Variants in DCLK3 observed in about 807,000 individuals in gnomAD.
DCLK3 encodes doublecortin like kinase 3.
Under a neutral mutation model 46.4 loss-of-function variants are expected in DCLK3, and 30 were observed. The observed-to-expected ratio is 0.65, with a 90% CI of 0.48 to 0.88. DCLK3 has a LOEUF of 0.88. DCLK3 is among the 40% of genes least tolerant of loss of function. The pLI is 0.00. For missense variants in DCLK3, 846 were observed against 907.1 expected (o/e 0.93, Z 0.87); for synonymous variants, 401 against 339.2 (o/e 1.18, Z -2.00).
rs1430597752 is a variant in DCLK3, at chr3:36,737,768, C to G, written c.1399G>C (p.Glu467Gln). 5 of 1,614,064 alleles carry G rather than the reference C, an allele frequency of 3.1e-6. No homozygotes were observed. In the African/African-American group the frequency reaches 6.7e-5, roughly 22 times the overall value. Reference sequence around the variant, plus strand: ...GACATACATGGCTTTTTCTCCTTCTCTGCCTCCTTCTCTTCTCCTCGGGTC... The same window carrying G: ...GACATACATGGCTTTTTCTCCTTCTGTGCCTCCTTCTCTTCTCCTCGGGTC... ...RRTRGEEKEA[E>Q]KEKKPCMSGG... Residue 467 changes from glutamate (E) to glutamine (Q), a missense_variant, in exon 2 of 5, where the codon GAG becomes CAG. Glu to Gln is a conservative substitution (Grantham distance 29, BLOSUM62 2). This residue lies in a region of DCLK3 where 553 missense variants were observed against 543.0 expected (regional missense o/e 1.02). Coordinates refer to ENST00000636136, the MANE Select transcript of DCLK3 (RefSeq NM_001394672.2). This position sits in a 1 kb window ranked among gnomAD's most constrained non-coding sequence, Gnocchi z 4.4.
chr3:36,727,116 C>G (rs1008215613), intron 2 of DCLK3, among the ~76,000 whole-genome samples: 6 of 152,126 alleles, frequency 3.9e-5, no homozygotes, highest in East Asian at 3.9e-4. Flanking sequence ...AACCCCATCT[C>G]TACTAAAAAT....
At chr3:36,729,187 C>T (rs557224759) in intron 2 of DCLK3, among the ~76,000 whole-genome samples, 17 of 151,998 alleles carry the variant, frequency 1.1e-4, no homozygotes, top group African/African-American at 4.1e-4. Flanking sequence ...CATCAAATGA[C>T]CCACTTCAGT....
At chr3:36,718,971 C>T (rs1701023703) in intron 3 of DCLK3, among the ~76,000 whole-genome samples, 1 of 152,032 alleles carries the variant, frequency 6.6e-6, no homozygotes, top group African/African-American at 2.4e-5. Context: ...ATGACATTTC[C>T]AACATAAGAA....
At chr3:36,752,757 C>A (rs1701453038) in intron 1 of DCLK3, among the ~76,000 whole-genome samples, 1 of 152,168 alleles carries the variant, frequency 6.6e-6, no homozygotes, top group Admixed American at 6.5e-5. Flanking sequence ...GCACATATCA[C>A]CATTGATATG....
Position 36,715,333 on chromosome 3 carries a change from A to AT in DCLK3, c.2448dup (p.Ser817IlefsTer22). ...ACAGATTCCCAAGGTGGTGACTATG[A>AT]TACCTGCTCCACAACCCTCTTGTGC... On this transcript the variant is annotated frameshift_variant, in exon 5 of 5. Coordinates refer to ENST00000636136, the MANE Select transcript of DCLK3 (RefSeq NM_001394672.2). LOFTEE classifies it high-confidence loss of function. The AT allele has an allele frequency of 1.2e-6, 2 of 1,614,110 alleles. No individual in the cohort carries two copies.
At position 36,713,670 on chromosome 3, in the gene DCLK3, T is replaced by C. The variant is rs1700939815; in HGVS notation, c.*1658A>G. 6.6e-6 allele frequency: 1 copy of C among 152,070 alleles called. No individual in the cohort carries two copies. The highest frequency in any genetic ancestry group is 6.5e-5 in the Admixed American group (1 of 15,286). 9.4% of individuals were successfully genotyped at this position (152,070 alleles called of 1,614,324 possible). On this transcript the variant is annotated 3_prime_UTR_variant, in exon 5 of 5. Coordinates refer to ENST00000636136, the MANE Select transcript of DCLK3 (RefSeq NM_001394672.2). Reference sequence around the variant, plus strand: ...AATCCAGATTAGCATCCAAAAGGCTTATTAGGGAGTGGTCTCAGGATCATT... The same window carrying C: ...AATCCAGATTAGCATCCAAAAGGCTCATTAGGGAGTGGTCTCAGGATCATT...
chr3:36,762,772 A>G (rs993024547), intron 1 of DCLK3, among the ~76,000 whole-genome samples: 3 of 152,230 alleles, frequency 2.0e-5, no homozygotes, highest in East Asian at 1.9e-4. Flanking sequence ...AAAGCTCACC[A>G]TAAAAGAACA....
At chr3:36,762,915 G>A (rs945298886) in intron 1 of DCLK3, among the ~76,000 whole-genome samples, 3 of 152,010 alleles carry the variant, frequency 2.0e-5, no homozygotes, top group African/African-American at 7.3e-5. Flanking sequence ...CTAAAGTTGG[G>A]CTGTGAGGCA....
In DCLK3 at chr3:36,738,145, T is replaced by C; in HGVS notation, c.1022A>G (p.Tyr341Cys). The C allele has an allele frequency of 3.1e-6, 5 of 1,614,056 alleles. No homozygotes were observed. The highest frequency in any genetic ancestry group is 1.1e-5 in the South Asian group (1 of 91,038). The change falls in exon 2 of 5, where the codon TAT becomes TGT. Residue 341 changes from tyrosine to cysteine, a missense_variant. This residue lies in a region of DCLK3 where 553 missense variants were observed against 543.0 expected (regional missense o/e 1.02). Transcript: ENST00000636136. ...GGTCCTCACCAGCTTCTCCACATCA[T>C]ACATTGGGCCCTTCCCCATATCCAG... ...SELDMGKGPM[Y>C]DVEKLVRTRS...
At chr3:36,760,030 G>A (rs763927156) in intron 1 of DCLK3, among the ~76,000 whole-genome samples, 2 of 152,160 alleles carry the variant, frequency 1.3e-5, no homozygotes, top group African/African-American at 4.8e-5. Flanking sequence ...GGCAGTATTT[G>A]GCCATTTGGC....
intron 1 of DCLK3, among the ~76,000 whole-genome samples, chr3:36,750,447 G>A (rs1392127597): frequency 6.6e-6 from 1 of 152,182 alleles, no homozygotes; most frequent in East Asian, 1.9e-4. Context: ...CCACTGTGCT[G>A]TTTATTGGAG....
At position 36,737,197 on chromosome 3, in the gene DCLK3, T is replaced by C; in HGVS notation, c.1959+11A>G. On this transcript the variant is annotated intron_variant, in intron 2 of 4. Transcript: ENST00000636136. This position sits in a 1 kb window ranked among gnomAD's most constrained non-coding sequence, Gnocchi z 4.4. Reference sequence around the variant, plus strand: ...ACACCCTCTCCCATATCATCAAAAGTCAAGGCTTACCAAAAGGTTTTCCGG... The same window carrying C: ...ACACCCTCTCCCATATCATCAAAAGCCAAGGCTTACCAAAAGGTTTTCCGG... 1 of 1,609,710 alleles carries C rather than the reference T, an allele frequency of 6.2e-7. No individual in the cohort carries two copies. Among genetic ancestry groups the C allele is most frequent in the Non-Finnish European group, 8.5e-7 (1 of 1,177,006 alleles).
At chr3:36,732,908 G>C (rs1054380585) in intron 2 of DCLK3, among the ~76,000 whole-genome samples, 1 of 152,162 alleles carries the variant, frequency 6.6e-6, no homozygotes, top group Admixed American at 6.5e-5. Flanking sequence ...AAATAGAAGA[G>C]AAAAAGAACT....
At position 36,738,305 on chromosome 3, in the gene DCLK3, C is replaced by A. The variant is rs372300177; in HGVS notation, c.862G>T (p.Ala288Ser). Residue 288 changes from alanine to serine, a missense_variant, in exon 2 of 5, where the codon GCA becomes TCA. Transcript: ENST00000636136. The stretch of plus-strand genomic sequence containing the variant: ...ACCCCAAGATGCTTCTCTCCCCTTG[C>A]GTGCCTCTCTTCCAGAGTGGCTTCC... ...PREATLEERH[A>S]RGEKHLGVEI... 28 of 1,514,690 alleles carry A rather than the reference C, an allele frequency of 1.8e-5. No homozygotes were observed. Among genetic ancestry groups the A allele is most frequent in the Non-Finnish European group, 2.4e-5 (27 of 1,133,984 alleles). 93.8% of individuals were successfully genotyped at this position (1,514,690 alleles called of 1,614,324 possible).
intron 2 of DCLK3, among the ~76,000 whole-genome samples, chr3:36,730,387 G>A (rs1701185461): frequency 6.6e-6 from 1 of 152,102 alleles, no homozygotes; most frequent in South Asian, 2.1e-4. Context: ...AAAATCTCAT[G>A]TTCATTCAAC....
chr3:36,741,433 G>A (rs1701343641), intron 1 of DCLK3, among the ~76,000 whole-genome samples: 1 of 152,178 alleles, frequency 6.6e-6, no homozygotes. Context: ...AAGCAGATGT[G>A]GGAAAAGGAT....
At chr3:36,718,748 C>A (rs1475256024) in intron 3 of DCLK3, among the ~76,000 whole-genome samples, 2 of 152,146 alleles carry the variant, frequency 1.3e-5, no homozygotes, top group East Asian at 1.9e-4. Flanking sequence ...TAAAAAATAT[C>A]ATTTACTGGC....
chr3:36,737,614 G>T lies in DCLK3; in HGVS notation c.1553C>A (p.Ala518Asp). The change falls in exon 2 of 5, where the codon GCC becomes GAC. Residue 518 changes from alanine to aspartate, a missense_variant. Physicochemically the swap from Ala to Asp is moderately radical, Grantham distance 126 (BLOSUM62 -2). Transcript: ENST00000636136. This position sits in a 1 kb window ranked among gnomAD's most constrained non-coding sequence, Gnocchi z 4.4. ...CTCATAATGCTTTTCCACATTGGCGGCAATGATGCCCATGGGCCGTGGCTT... is the reference window on the plus strand; with the variant it reads ...CTCATAATGCTTTTCCACATTGGCGTCAATGATGCCCATGGGCCGTGGCTT... Reference protein sequence around the residue: ...GRKPRPMGIIAANVEKHYETG... With the variant: ...GRKPRPMGIIDANVEKHYETG... The T allele has an allele frequency of 6.2e-7, 1 of 1,614,114 alleles. No individual in the cohort carries two copies.
Position 36,718,278 on chromosome 3 carries a change from T to A in DCLK3, c.2093-101A>T, listed in dbSNP as rs908955150. Reference sequence around the variant, plus strand: ...TATTGTGGTTCTAAATAGATCTAAGTCATAGAGGATCCCAGCTCTCAGCAA... The same window carrying A: ...TATTGTGGTTCTAAATAGATCTAAGACATAGAGGATCCCAGCTCTCAGCAA... On this transcript the variant is annotated intron_variant, in intron 3 of 4. Coordinates refer to ENST00000636136, the MANE Select transcript of DCLK3 (RefSeq NM_001394672.2). 4 of 1,519,282 alleles carry A rather than the reference T, an allele frequency of 2.6e-6. No homozygotes were observed. In the Admixed American group the frequency reaches 7.3e-5, roughly 28 times the overall value. 94.1% of individuals were successfully genotyped at this position (1,519,282 alleles called of 1,614,324 possible).
Sources: allele counts gnomAD v4.1 joint callset (sites outside exome capture counted in the v4.1 genomes callset), GRCh38; gene constraint gnomAD v4.1.1; regional missense constraint gnomAD v4.1.1; non-coding constraint Gnocchi (gnomAD v3.1); transcripts MANE v1.5; gene names NCBI Gene and HGNC (gene_info 2026-07-23, HGNC 2026-07-21).